ADAMTS18: variants seen among roughly 807,000 people sequenced by gnomAD.
The protein encoded by ADAMTS18 is ADAM metallopeptidase with thrombospondin type 1 motif 18.
In ADAMTS18, 157 loss-of-function variants were observed where a neutral mutation model predicts 165.9. The observed-to-expected ratio is 0.95, with a 90% CI of 0.83 to 1.08. ADAMTS18 has a LOEUF of 1.08. ADAMTS18 is among the 50% of genes least tolerant of loss of function. The pLI is 0.00. For missense variants in ADAMTS18, 2,040 were observed against 1,534.0 expected (o/e 1.33, Z -5.51); for synonymous variants, 782 against 578.2 (o/e 1.35, Z -5.06).
chr16:77,310,296 A>G (rs1161458444), intron 16 of ADAMTS18, among the ~76,000 whole-genome samples: 3 of 152,334 alleles, frequency 2.0e-5, no homozygotes, highest in East Asian at 1.9e-4. Context: ...TGTGGAAGCT[A>G]CAAGTATAAA....
chr16:77,368,143 C>T (rs541771054), intron 3 of ADAMTS18, among the ~76,000 whole-genome samples: 1 of 152,152 alleles, frequency 6.6e-6, no homozygotes, highest in African/African-American at 2.4e-5. Flanking sequence ...GTCACCGTAC[C>T]TGGCTGGACA....
At chr16:77,376,385 G>C (rs996677536) in intron 3 of ADAMTS18, among the ~76,000 whole-genome samples, 1 of 152,156 alleles carries the variant, frequency 6.6e-6, no homozygotes, top group African/African-American at 2.4e-5. Flanking sequence ...AAATCCACGT[G>C]AGATTTGGGT....
chr16:77,332,715 C>T (rs6564428), intron 12 of ADAMTS18, among the ~76,000 whole-genome samples: 47,097 of 152,006 alleles, frequency 0.31, 7,998 homozygotes, highest in East Asian at 0.62. Context: ...AAACCACCTT[C>T]ATGTGCACAG....
At chr16:77,335,619 A>G in intron 12 of ADAMTS18, 137 bp downstream of exon 12, 1 of 1,087,446 alleles carries the variant, frequency 9.2e-7, no homozygotes, top group East Asian at 2.5e-5. Context: ...CATGTACCCC[A>G]TAAATATGTA....
At chr16:77,335,587 G>T (rs1481890111) in intron 12 of ADAMTS18, among the ~76,000 whole-genome samples, 169 bp downstream of exon 12, 1 of 152,016 alleles carries the variant, frequency 6.6e-6, no homozygotes, top group African/African-American at 2.4e-5. Flanking sequence ...ATTCCACATT[G>T]TATAGTTGTA....
intron 13 of ADAMTS18, among the ~76,000 whole-genome samples, chr16:77,323,698 A>G (rs2056044721): frequency 6.6e-6 from 1 of 152,160 alleles, no homozygotes. Context: ...TTGTTCTTCT[A>G]AATTGCAGGA....
At chr16:77,400,850 G>A (rs905806214) in intron 3 of ADAMTS18, among the ~76,000 whole-genome samples, 5 of 152,000 alleles carry the variant, frequency 3.3e-5, no homozygotes, top group Non-Finnish European at 7.4e-5. Context: ...TTCTTATACT[G>A]CTGTTGTTCC....
intron 3 of ADAMTS18, among the ~76,000 whole-genome samples, chr16:77,388,670 G>A (rs926489848): frequency 2.0e-5 from 3 of 152,190 alleles, no homozygotes; most frequent in Non-Finnish European, 4.4e-5. Context: ...CTGCCACACA[G>A]TGAGTGACTA....
At position 77,342,600 on chromosome 16, in the gene ADAMTS18, G is replaced by A. The variant is rs149414591; in HGVS notation, c.1615-801C>T. 1.1e-3 allele frequency among the ~76,000 whole-genome samples: 168 copies of A among 152,088 alleles called. 2 individuals are homozygous for A. Among genetic ancestry groups the A allele is most frequent in the African/African-American group, 3.6e-3 (148 of 41,482 alleles). On this transcript the variant is annotated intron_variant, in intron 10 of 22. Coordinates refer to ENST00000282849, the MANE Select transcript of ADAMTS18 (RefSeq NM_199355.4). ...GCCACCAGGCCTGGCCACCTTCTTC[G>A]TCTCTATTGCAGTTTTCAAATATGT...
At chr16:77,355,202 T>TTGTGTGTGTGTGTGTGTGTGTGTG (rs141620918) in intron 9 of ADAMTS18, among the ~76,000 whole-genome samples, 1 of 146,598 alleles carries the variant, frequency 6.8e-6, no homozygotes, top group Non-Finnish European at 1.5e-5. Context: ...AAAGGTAGGA[T>TTGTGTGTGTGTGTGTGTGTGTGTG]TGTGTGTGTG....
chr16:77,362,753 G>A (rs916801887), intron 6 of ADAMTS18, among the ~76,000 whole-genome samples: 1 of 152,156 alleles, frequency 6.6e-6, no homozygotes, highest in Non-Finnish European at 1.5e-5. Context: ...CAAAGGATAA[G>A]AGAGGACCTA....
At chr16:77,392,046 A>C (rs1252450123) in intron 3 of ADAMTS18, among the ~76,000 whole-genome samples, 1 of 151,646 alleles carries the variant, frequency 6.6e-6, no homozygotes, top group Non-Finnish European at 1.5e-5. Flanking sequence ...ACGCCCAGTC[A>C]TTGTGCAGAA....
chr16:77,317,339 C>G (rs529214072), intron 16 of ADAMTS18, among the ~76,000 whole-genome samples: 276 of 152,164 alleles, frequency 1.8e-3, no homozygotes, highest in African/African-American at 6.3e-3. Flanking sequence ...GCAGTGATTT[C>G]TTTTGTTTGA....
intron 3 of ADAMTS18, among the ~76,000 whole-genome samples, chr16:77,392,942 A>G (rs1291720467): frequency 1.3e-5 from 2 of 152,106 alleles, no homozygotes; most frequent in Non-Finnish European, 2.9e-5. Flanking sequence ...TTTAGACAGT[A>G]TGGAGAGCTC....
chr16:77,343,373 C>A (rs2056428860), intron 10 of ADAMTS18, among the ~76,000 whole-genome samples: 1 of 152,202 alleles, frequency 6.6e-6, no homozygotes, highest in Non-Finnish European at 1.5e-5. Flanking sequence ...CTTGCCTGGC[C>A]TGATTTTAGC....
chr16:77,292,629 C>T (rs927092911), intron 20 of ADAMTS18, among the ~76,000 whole-genome samples: 1 of 152,194 alleles, frequency 6.6e-6, no homozygotes, highest in Non-Finnish European at 1.5e-5. Flanking sequence ...TCTGCGTGTG[C>T]TTTATGAAGT....
chr16:77,340,649 C>T (rs1285043897), intron 11 of ADAMTS18, among the ~76,000 whole-genome samples: 2 of 152,122 alleles, frequency 1.3e-5, no homozygotes, highest in Non-Finnish European at 2.9e-5. Flanking sequence ...GGCATAATCA[C>T]AGCACACTAC....
In ADAMTS18 at chr16:77,295,103, T is replaced by G. The variant is rs142130362; in HGVS notation, c.2826A>C (p.Thr942=). ...PAYWMPGEWS[T]CSKACAGGQQ... is the part of the protein sequence containing the mutation. Reference sequence around the variant, plus strand: ...GGCCTCCAGCACAGGCCTTGCTGCATGTACTCCATTCACCTGGCATCCAGC... The same window carrying G: ...GGCCTCCAGCACAGGCCTTGCTGCAGGTACTCCATTCACCTGGCATCCAGC... Residue 942 remains threonine (T), a synonymous_variant, in exon 19 of 23, where the codon ACA becomes ACC. Coordinates refer to ENST00000282849, the MANE Select transcript of ADAMTS18 (RefSeq NM_199355.4). The G allele has an allele frequency of 1.9e-6, 3 of 1,614,192 alleles. No homozygotes were observed. The highest frequency in any genetic ancestry group is 2.5e-6 in the Non-Finnish European group (3 of 1,180,026).
chr16:77,406,723 T>C (rs372179612), intron 3 of ADAMTS18, among the ~76,000 whole-genome samples: 17 of 152,136 alleles, frequency 1.1e-4, no homozygotes, highest in African/African-American at 3.6e-4. Flanking sequence ...AGCCCATCAA[T>C]AGTGAACTGG....
Sources: allele counts gnomAD v4.1 joint callset (sites outside exome capture counted in the v4.1 genomes callset), GRCh38; gene constraint gnomAD v4.1.1; transcripts MANE v1.5; gene names NCBI Gene and HGNC (gene_info 2026-07-23, HGNC 2026-07-21).